Variants in CIAO1 observed in about 807,000 individuals in gnomAD.
The protein encoded by CIAO1 is probable cytosolic iron-sulfur protein assembly protein CIAO1.
A neutral mutation model predicts 43.1 loss-of-function variants in CIAO1; 32 were observed. That is an observed-to-expected ratio of 0.74 (90% CI 0.56 to 1.00). The LOEUF is 1.00. CIAO1 is among the 50% of genes least tolerant of loss of function. The probability of loss-of-function intolerance (pLI) is 0.00; values close to 1 mark genes in which losing one functional copy is unlikely to be tolerated. For synonymous variants in CIAO1, 183 were observed against 171.4 expected (o/e 1.07, Z -0.53); for missense variants, 415 against 437.4 (o/e 0.95, Z 0.46).
chr2:96,271,212 T>G lies in CIAO1; in HGVS notation c.881T>G (p.Leu294Arg), dbSNP rs2104320245. 6.2e-7 allele frequency: 1 copy of G among 1,614,246 alleles called. No individual in the cohort carries two copies. Among genetic ancestry groups the G allele is most frequent in the East Asian group, 2.2e-5 (1 of 44,882 alleles). ...GATCCACAGCAGCCCACCTTCTCCC[T>G]GACAGCCCACTTGCATCAGGCCCAT... Reference protein sequence around the residue: ...NSDPQQPTFSLTAHLHQAHSQ... With the variant: ...NSDPQQPTFSRTAHLHQAHSQ... The change falls in exon 7 of 7, where the codon CTG becomes CGG. Residue 294 changes from leucine to arginine, a missense_variant. Leu to Arg is a moderately radical substitution (Grantham distance 102). Transcript: ENST00000488633.
chr2:96,267,259 A>G (rs775300052), intron 1 of CIAO1, 62 bp from the exon 2 acceptor site: 1 of 1,534,384 alleles, frequency 6.5e-7, no homozygotes. Context: ...CTAGCCCCTG[A>G]TATTGAATGG....
In CIAO1 at chr2:96,271,378, G is replaced by T; in HGVS notation, c.*27G>T. ...CTACCTCGACTTTGGACAGAGTAAT[G>T]ACTCCCCAGAAAACGTCATATAAGA... On this transcript the variant is annotated 3_prime_UTR_variant, in exon 7 of 7. Transcript: ENST00000488633. 1 of 1,606,424 alleles carries T rather than the reference G, an allele frequency of 6.2e-7. No homozygotes were observed. Among genetic ancestry groups the T allele is most frequent in the South Asian group, 1.1e-5 (1 of 90,800 alleles).
In CIAO1 at chr2:96,271,154, GCGAT is replaced by G; in HGVS notation, c.825_828del (p.Ile276AlafsTer18). On this transcript the variant is annotated frameshift_variant, in exon 7 of 7. Coordinates refer to ENST00000488633, the MANE Select transcript of CIAO1 (RefSeq NM_004804.3). LOFTEE classifies it high-confidence loss of function. The stretch of plus-strand genomic sequence containing the variant: ...TCTGGCCACAGCTTGTGGGGATGAC[GCGAT>G]CCGCGTGTTTCAGGAGGATCCCAAC... 2 of 1,614,194 alleles carry G rather than the reference GCGAT, an allele frequency of 1.2e-6. No individual in the cohort carries two copies. Among genetic ancestry groups the G allele is most frequent in the Non-Finnish European group, 1.7e-6 (2 of 1,180,036 alleles).
At position 96,271,234 on chromosome 2, in the gene CIAO1, C is replaced by T. The variant is rs1684544029; in HGVS notation, c.903C>T (p.Ala301=). 6.2e-7 allele frequency: 1 copy of T among 1,614,128 alleles called. No homozygotes were observed. The highest frequency in any genetic ancestry group is 8.5e-7 in the Non-Finnish European group (1 of 1,180,056). The change falls in exon 7 of 7, where the codon GCC becomes GCT. Residue 301 remains alanine (A), a synonymous_variant. Coordinates refer to ENST00000488633, the MANE Select transcript of CIAO1 (RefSeq NM_004804.3). ...TFSLTAHLHQ[A]HSQDVNCVAW... Reference sequence around the variant, plus strand: ...CCCTGACAGCCCACTTGCATCAGGCCCATTCCCAGGATGTCAACTGTGTGG... The same window carrying T: ...CCCTGACAGCCCACTTGCATCAGGCTCATTCCCAGGATGTCAACTGTGTGG...
At chr2:96,268,038 C>A in intron 4 of CIAO1, 114 bp downstream of exon 4, 1 of 848,154 alleles carries the variant, frequency 1.2e-6, no homozygotes, top group African/African-American at 1.7e-5. Flanking sequence ...CATCTGTGAA[C>A]AAAAAACATT....
Position 96,266,342 on chromosome 2 carries a change from C to G in CIAO1, c.-9C>G. The stretch of plus-strand genomic sequence containing the variant: ...TGCCCGCCCCCACCTCCCCCTGCGT[C>G]GGGCCGACATGAAGGACTCGCTGGT... On this transcript the variant is annotated 5_prime_UTR_variant, in exon 1 of 7. Transcript: ENST00000488633. 1 of 1,402,628 alleles carries G rather than the reference C, an allele frequency of 7.1e-7. No homozygotes were observed. The highest frequency in any genetic ancestry group is 9.4e-7 in the Non-Finnish European group (1 of 1,061,100). The allele number at this position is 1,402,628 out of a possible 1,614,324, so 86.9% of individuals were successfully genotyped here.
Position 96,267,332 on chromosome 2 carries a change from A to C in CIAO1, c.151A>C (p.Ile51Leu). Residue 51 changes from isoleucine (I) to leucine (L), a missense_variant, in exon 2 of 7, where the codon ATC (isoleucine) becomes CTC (leucine). Transcript: ENST00000488633. ...CGCTCCGCCTTTAGGTGACAGCTGG[A>C]TCTGCAAGTCTGTCCTTTCTGAAGG... is the stretch of plus-strand genomic sequence containing the variant. ...RIWGTEGDSWICKSVLSEGHQ... is the reference protein window; with the variant it reads ...RIWGTEGDSWLCKSVLSEGHQ... 6.2e-7 allele frequency: 1 copy of C among 1,612,914 alleles called. No homozygotes were observed. The highest frequency in any genetic ancestry group is 8.5e-7 in the Non-Finnish European group (1 of 1,179,074).
chr2:96,270,247 C>T (rs1461495346), intron 6 of CIAO1, among the ~76,000 whole-genome samples: 1 of 152,132 alleles, frequency 6.6e-6, no homozygotes, highest in Non-Finnish European at 1.5e-5. Context: ...TGGCTCACGC[C>T]TGTAATCCCA....
Position 96,266,331 on chromosome 2 carries a change from TC to T in CIAO1, c.-15del. On this transcript the variant is annotated 5_prime_UTR_variant, in exon 1 of 7. Coordinates refer to ENST00000488633, the MANE Select transcript of CIAO1 (RefSeq NM_004804.3). The stretch of plus-strand genomic sequence containing the variant: ...TCAGCGGACTCTGCCCGCCCCCACC[TC>T]CCCCTGCGTCGGGCCGACATGAAGG... 1.4e-6 allele frequency: 2 copies of T among 1,380,650 alleles called. No homozygotes were observed. The highest frequency in any genetic ancestry group is 9.5e-7 in the Non-Finnish European group (1 of 1,050,276). 85.5% of individuals were successfully genotyped at this position (1,380,650 alleles called of 1,614,324 possible).
In CIAO1 at chr2:96,267,463, C is replaced by G; in HGVS notation, c.282C>G (p.Asp94Glu). 6.2e-7 allele frequency: 1 copy of G among 1,614,086 alleles called. No homozygotes were observed. Among genetic ancestry groups the G allele is most frequent in the South Asian group, 1.1e-5 (1 of 91,080 alleles). Residue 94 changes from aspartate to glutamate, a missense_variant, in exon 2 of 7, where the codon GAC (aspartate) becomes GAG (glutamate). Transcript: ENST00000488633. Reference protein sequence around the residue: ...TTCIWKKNQDDFECVTTLEGH... With the variant: ...TTCIWKKNQDEFECVTTLEGH... ...GCATTTGGAAGAAGAACCAGGATGACTTTGAGGTACCCAGGCTGGTTGGGA... is the reference window on the plus strand; with the variant it reads ...GCATTTGGAAGAAGAACCAGGATGAGTTTGAGGTACCCAGGCTGGTTGGGA...
intron 1 of CIAO1, among the ~76,000 whole-genome samples, chr2:96,267,011 G>A (rs1684445040): frequency 2.0e-5 from 3 of 151,872 alleles, no homozygotes; most frequent in Admixed American, 6.6e-5. Flanking sequence ...GCGGGCACCT[G>A]TAATCCCAGC....
intron 6 of CIAO1, among the ~76,000 whole-genome samples, chr2:96,270,845 G>C (rs934054004): frequency 1.3e-5 from 2 of 151,960 alleles, no homozygotes; most frequent in Non-Finnish European, 2.9e-5. Flanking sequence ...TATGACATGG[G>C]AAACTGCTTA....
At chr2:96,267,187 C>A in intron 1 of CIAO1, 134 bp from the exon 2 acceptor site, 2 of 384,768 alleles carry the variant, frequency 5.2e-6, no homozygotes, top group Non-Finnish European at 8.9e-6. Flanking sequence ...GATTCATTTG[C>A]ATCTTTGTAA....
intron 6 of CIAO1, among the ~76,000 whole-genome samples, chr2:96,269,800 A>G (rs1043343986): frequency 6.6e-6 from 1 of 152,142 alleles, no homozygotes; most frequent in Non-Finnish European, 1.5e-5. Flanking sequence ...GGCGCCCGCC[A>G]CCATGCCTGG....
intron 5 of CIAO1, chr2:96,269,044 G>A: frequency 1.7e-6 from 1 of 599,618 alleles, no homozygotes; most frequent in Non-Finnish European, 3.0e-6. Context: ...ACGCAAAGTA[G>A]TTACATACAG....
In CIAO1 at chr2:96,267,352, T is replaced by C; in HGVS notation, c.171T>C (p.Ser57=). The C allele has an allele frequency of 6.2e-7, 1 of 1,613,874 alleles. No homozygotes were observed. The highest frequency in any genetic ancestry group is 8.5e-7 in the Non-Finnish European group (1 of 1,179,788). Residue 57 remains serine (S), a synonymous_variant, in exon 2 of 7, where the codon TCT becomes TCC. Coordinates refer to ENST00000488633, the MANE Select transcript of CIAO1 (RefSeq NM_004804.3). The stretch of plus-strand genomic sequence containing the variant: ...GCTGGATCTGCAAGTCTGTCCTTTC[T>C]GAAGGCCACCAGCGCACCGTGCGGA... The part of the protein sequence containing the change: ...GDSWICKSVL[S]EGHQRTVRKV...
intron 6 of CIAO1, among the ~76,000 whole-genome samples, chr2:96,270,536 C>T (rs933447039): frequency 6.6e-6 from 1 of 150,910 alleles, no homozygotes; most frequent in Non-Finnish European, 1.5e-5. Context: ...TGGCTGGGCC[C>T]AGTGGCTCAT....
chr2:96,272,231 T>C lies in CIAO1; in HGVS notation c.*880T>C, dbSNP rs1368402810. The stretch of plus-strand genomic sequence containing the variant: ...CAGTTTCAGACTCACTCAAGTTGTC[T>C]CTTGACAGTCACTTCTAAATGGGTT... On this transcript the variant is annotated 3_prime_UTR_variant, in exon 7 of 7. Coordinates refer to ENST00000488633, the MANE Select transcript of CIAO1 (RefSeq NM_004804.3). The C allele has an allele frequency of 2.0e-5, 3 of 152,224 alleles. No individual in the cohort carries two copies. Among genetic ancestry groups the C allele is most frequent in the Non-Finnish European group, 2.9e-5 (2 of 68,052 alleles). The allele number at this position is 152,224 out of a possible 1,614,324, so 9.4% of individuals were successfully genotyped here.
intron 6 of CIAO1, among the ~76,000 whole-genome samples, chr2:96,269,703 G>A (rs182329355): frequency 1.2e-4 from 19 of 152,064 alleles, no homozygotes; most frequent in African/African-American, 1.9e-4. Context: ...GCTGGAGTGC[G>A]GTGGCGTGAT....
Sources: gnomAD v4.1 joint callset for allele counts (sites outside exome capture counted in the v4.1 genomes callset) on GRCh38, gnomAD v4.1.1 for gene constraint, MANE v1.5 for transcripts, NCBI Gene and HGNC (gene_info 2026-07-23, HGNC 2026-07-21) for gene names.